SLCO1B3: variants seen among roughly 807,000 people sequenced by gnomAD.
The protein encoded by SLCO1B3 is solute carrier organic anion transporter family member 1B3.
In SLCO1B3, 72 loss-of-function variants were observed where a neutral mutation model predicts 71.8. The ratio of observed to expected loss-of-function variants is 1.00; its 90% CI spans 0.83 to 1.22. The LOEUF is 1.22. SLCO1B3 is among the 50% of genes most tolerant of loss of function. The pLI is 0.00. For synonymous variants in SLCO1B3, 298 were observed against 278.4 expected (o/e 1.07, Z -0.70); for missense variants, 911 against 819.7 (o/e 1.11, Z -1.36).
At chr12:20,853,674 A>G (rs1865068962) in intron 3 of SLCO1B3, among the ~76,000 whole-genome samples, 1 of 151,852 alleles carries the variant, frequency 6.6e-6, no homozygotes, top group African/African-American at 2.4e-5. Context: ...CAAAAGACCA[A>G]CTTGGGTTCA....
At position 20,909,956 on chromosome 12, in the gene SLCO1B3, T is replaced by C. The variant is rs1297755659; in HGVS notation, c.1866-6048T>C. Among the ~76,000 whole-genome samples the C allele has an allele frequency of 4.6e-5, 7 of 152,328 alleles. No individual in the cohort carries two copies. In the East Asian group the frequency reaches 1.2e-3, roughly 25 times the overall value. ...GGAATATATGCCTGGATAACTGTTT[T>C]ATTCAGAGGTTTTAAATTGTAATGA... On this transcript the variant is annotated intron_variant, in intron 15 of 15. Transcript: ENST00000381545.
intron 8 of SLCO1B3, among the ~76,000 whole-genome samples, chr12:20,873,226 C>A (rs146235325): frequency 6.6e-6 from 1 of 152,142 alleles, no homozygotes; most frequent in South Asian, 2.1e-4. Flanking sequence ...AAGTGTATGC[C>A]TAACCTAAAG....
intron 3 of SLCO1B3, among the ~76,000 whole-genome samples, chr12:20,820,303 CAGAG>C (rs1396608541): frequency 2.6e-5 from 4 of 152,162 alleles, no homozygotes; most frequent in African/African-American, 9.7e-5. Flanking sequence ...AGGAGTCAGT[CAGAG>C]AGCCTTGGGC....
At chr12:20,876,127 A>G (rs968651691) in intron 9 of SLCO1B3, among the ~76,000 whole-genome samples, 2 of 151,642 alleles carry the variant, frequency 1.3e-5, no homozygotes, top group Admixed American at 6.6e-5. Context: ...TTACCTAAGT[A>G]TTCAAAAATG....
At chr12:20,811,635 C>G (rs1565573286) in intron 1 of SLCO1B3, among the ~76,000 whole-genome samples, 1 of 152,116 alleles carries the variant, frequency 6.6e-6, no homozygotes, top group Non-Finnish European at 1.5e-5. Context: ...CTACTTCAGC[C>G]CAATCAAACT....
At chr12:20,911,719 C>T (rs1198978959) in intron 15 of SLCO1B3, among the ~76,000 whole-genome samples, 2 of 152,066 alleles carry the variant, frequency 1.3e-5, no homozygotes, top group Non-Finnish European at 2.9e-5. Context: ...AAATTGGGGG[C>T]ATGATGTTGT....
chr12:20,870,322 A>G (rs1391302698), intron 8 of SLCO1B3, among the ~76,000 whole-genome samples: 2 of 151,992 alleles, frequency 1.3e-5, no homozygotes, highest in African/African-American at 2.4e-5. Context: ...TGCTGGGTAG[A>G]AGCTTTTTAG....
At chr12:20,840,820 G>T (rs551266801) in intron 3 of SLCO1B3, among the ~76,000 whole-genome samples, 1 of 152,140 alleles carries the variant, frequency 6.6e-6, no homozygotes, top group East Asian at 1.9e-4. Flanking sequence ...AGCTTATGAG[G>T]CTCCAATTAA....
Position 20,875,146 on chromosome 12 carries a change from T to C in SLCO1B3, c.728-89T>C, listed in dbSNP as rs751902338. 4.9e-6 allele frequency: 7 copies of C among 1,425,330 alleles called. No homozygotes were observed. The Admixed American group carries it at 8.3e-5, about 17-fold the overall frequency. The allele number at this position is 1,425,330 out of a possible 1,614,324, so 88.3% of individuals were successfully genotyped here. On this transcript the variant is annotated intron_variant, in intron 8 of 15. Coordinates refer to ENST00000381545, the MANE Select transcript of SLCO1B3 (RefSeq NM_019844.4). Reference sequence around the variant, plus strand: ...ACATTTGGTTTACTTTCTTCATCTATGGAGGACTGCAATCATTATCATTAT... The same window carrying C: ...ACATTTGGTTTACTTTCTTCATCTACGGAGGACTGCAATCATTATCATTAT...
At chr12:20,901,639 T>C (rs535070370) in intron 15 of SLCO1B3, among the ~76,000 whole-genome samples, 172 bp downstream of exon 15, 1 of 152,328 alleles carries the variant, frequency 6.6e-6, no homozygotes, top group East Asian at 1.9e-4. Flanking sequence ...TTAATACTCA[T>C]AGAAACTGTA....
chr12:20,881,699 A>C (rs905802448), intron 12 of SLCO1B3, among the ~76,000 whole-genome samples: 1 of 151,910 alleles, frequency 6.6e-6, no homozygotes, highest in African/African-American at 2.4e-5. Flanking sequence ...TGTGACACAT[A>C]TCCTGTTTTT....
chr12:20,870,932 A>G (rs1284982699), intron 8 of SLCO1B3, among the ~76,000 whole-genome samples: 2 of 152,162 alleles, frequency 1.3e-5, no homozygotes, highest in African/African-American at 4.8e-5. Flanking sequence ...TTTTAGCATC[A>G]ATTGAAATGA....
At chr12:20,911,320 A>C (rs374316991) in intron 15 of SLCO1B3, among the ~76,000 whole-genome samples, 1 of 152,134 alleles carries the variant, frequency 6.6e-6, no homozygotes, top group East Asian at 1.9e-4. Flanking sequence ...TGGTGCCTAA[A>C]TTGTTAATGC....
At chr12:20,858,295 A>T (rs1319808911) in intron 4 of SLCO1B3, 144 bp from the exon 5 acceptor site, 2 of 599,310 alleles carry the variant, frequency 3.3e-6, no homozygotes, top group Admixed American at 3.1e-5. Flanking sequence ...TTAATGTAGG[A>T]GAGTTTACCT....
intron 2 of SLCO1B3, among the ~76,000 whole-genome samples, chr12:20,814,316 A>G (rs1254940607): frequency 6.6e-6 from 1 of 152,126 alleles, no homozygotes; most frequent in Non-Finnish European, 1.5e-5. Flanking sequence ...TGACTTCAAA[A>G]CTTCACTTGT....
Position 20,831,356 on chromosome 12 carries a change from C to CAAAAAA in SLCO1B3, c.84+15551_84+15556dup, listed in dbSNP as rs35410136. ...TGGGTGACAGAGCGAGACGCCATAT[C>CAAAAAA]AAAAAAAAAAAAAAAAAAAAAAGCC... On this transcript the variant is annotated intron_variant, in intron 3 of 15. Transcript: ENST00000381545. 4.3e-4 allele frequency among the ~76,000 whole-genome samples: 39 copies of CAAAAAA among 91,174 alleles called. 2 individuals carry two copies. The highest frequency in any genetic ancestry group is 5.6e-4 in the Non-Finnish European group (27 of 48,116). The allele number at this position is 91,174 out of a possible 152,430, so 59.8% of individuals were successfully genotyped here. A position where few individuals can be genotyped will look rare whatever the true frequency, so the allele number is the denominator to read the frequency against.
At chr12:20,855,363 G>A (rs1286884690) in intron 4 of SLCO1B3, among the ~76,000 whole-genome samples, 194 bp downstream of exon 4, 1 of 152,146 alleles carries the variant, frequency 6.6e-6, no homozygotes, top group East Asian at 1.9e-4. Flanking sequence ...CCTAGGGGTA[G>A]AGGTCAGGTA....
At chr12:20,838,971 G>T (rs1864739441) in intron 3 of SLCO1B3, among the ~76,000 whole-genome samples, 1 of 149,948 alleles carries the variant, frequency 6.7e-6, no homozygotes, top group Admixed American at 6.7e-5. Context: ...TTTCTTCTTT[G>T]ACTTATATAG....
At chr12:20,870,850 G>A (rs138394128) in intron 8 of SLCO1B3, among the ~76,000 whole-genome samples, 3 of 152,200 alleles carry the variant, frequency 2.0e-5, no homozygotes, top group African/African-American at 7.2e-5. Flanking sequence ...TATTTGAGTA[G>A]GTATGTTCCT....
Sources: gnomAD v4.1 joint callset for allele counts (sites outside exome capture counted in the v4.1 genomes callset) on GRCh38, gnomAD v4.1.1 for gene constraint, MANE v1.5 for transcripts, NCBI Gene and HGNC (gene_info 2026-07-23, HGNC 2026-07-21) for gene names.